The following TCF12 variants were observed in gnomAD, a reference collection of about 807,000 sequenced individuals.
TCF12 encodes transcription factor 12, also known as DNA-binding protein HTF4.
In TCF12, 45 loss-of-function variants were observed where a neutral mutation model predicts 86.0. The ratio of observed to expected loss-of-function variants is 0.52; its 90% CI spans 0.41 to 0.67. TCF12 has a LOEUF of 0.67. Ranked by LOEUF, TCF12 falls within the 30% of genes least tolerant of loss-of-function variation. The pLI is 0.00. For missense variants in TCF12, 881 were observed against 859.9 expected (o/e 1.02, Z -0.31); for synonymous variants, 330 against 299.6 (o/e 1.10, Z -1.05).
chr15:57,071,735 T>A (rs1227848316), intron 4 of TCF12, among the ~76,000 whole-genome samples: 1 of 152,226 alleles, frequency 6.6e-6, no homozygotes, highest in East Asian at 1.9e-4. Flanking sequence ...AAAATAATTT[T>A]CTTGGCTACT....
chr15:56,997,469 G>C (rs989491433), intron 3 of TCF12, among the ~76,000 whole-genome samples: 1 of 152,130 alleles, frequency 6.6e-6, no homozygotes, highest in Non-Finnish European at 1.5e-5. Context: ...GAATACAAGA[G>C]GGGGAGGAAG....
chr15:57,159,011 G>T (rs973081321), intron 5 of TCF12, among the ~76,000 whole-genome samples: 17 of 152,298 alleles, frequency 1.1e-4, no homozygotes, highest in African/African-American at 3.6e-4. Flanking sequence ...AAAAAATCTG[G>T]TCAATTAAGA....
chr15:57,073,548 C>T (rs1275240153), intron 4 of TCF12, among the ~76,000 whole-genome samples: 1 of 152,146 alleles, frequency 6.6e-6, no homozygotes, highest in Non-Finnish European at 1.5e-5. Flanking sequence ...AAATCTTCTC[C>T]ATTTTAGAGG....
At chr15:56,947,371 C>T (rs939064222) in intron 3 of TCF12, among the ~76,000 whole-genome samples, 1 of 152,074 alleles carries the variant, frequency 6.6e-6, no homozygotes, top group African/African-American at 2.4e-5. Flanking sequence ...TCTGGAGATC[C>T]TTCTCTGCGT....
chr15:57,142,780 G>A (rs1349766433), intron 5 of TCF12, among the ~76,000 whole-genome samples: 6 of 152,124 alleles, frequency 3.9e-5, no homozygotes, highest in African/African-American at 1.4e-4. Context: ...TCAGATTCAT[G>A]TGCCACCTAA....
rs1310356738 is a variant in TCF12, at chr15:56,948,144, T to C, written c.148+27046T>C. Among the ~76,000 whole-genome samples, 3 of 151,906 alleles carry C rather than the reference T, an allele frequency of 2.0e-5. No homozygotes were observed. In the East Asian group the frequency reaches 5.8e-4, roughly 29 times the overall value. On this transcript the variant is annotated intron_variant, in intron 3 of 20. Transcript: ENST00000333725. ...ACCTTTTTTTTTTTATTTTTTGAGA[T>C]GGGATCTCACTCTGTTGCCCAGGCT...
At chr15:57,207,963 G>A (rs1453566324) in intron 8 of TCF12, among the ~76,000 whole-genome samples, 5 of 151,054 alleles carry the variant, frequency 3.3e-5, no homozygotes, top group Non-Finnish European at 5.9e-5. Context: ...AGTCCTTATC[G>A]TGAATGAAGA....
At chr15:56,980,008 T>C (rs949976005) in intron 3 of TCF12, among the ~76,000 whole-genome samples, 2 of 152,194 alleles carry the variant, frequency 1.3e-5, no homozygotes, top group South Asian at 2.1e-4. Flanking sequence ...GAAGCTATTA[T>C]AGATTTATAT....
chr15:57,240,410 G>C (rs1222263618), intron 12 of TCF12, among the ~76,000 whole-genome samples: 1 of 152,168 alleles, frequency 6.6e-6, no homozygotes, highest in African/African-American at 2.4e-5. Context: ...CTAGTTGACA[G>C]TTTTGCATAG....
intron 3 of TCF12, among the ~76,000 whole-genome samples, chr15:56,986,206 G>A (rs1415520073): frequency 1.3e-5 from 2 of 152,266 alleles, no homozygotes; most frequent in South Asian, 4.1e-4. Flanking sequence ...GTTGGTTACA[G>A]AAAGTATGCT....
intron 8 of TCF12, among the ~76,000 whole-genome samples, chr15:57,216,318 TTGG>T (rs1215930543): frequency 6.6e-6 from 1 of 152,116 alleles, no homozygotes; most frequent in Non-Finnish European, 1.5e-5. Context: ...GCTGTAAAAC[TTGG>T]TGATTTTTTT....
In TCF12 at chr15:57,063,873, G is replaced by A. The variant is rs369210693; in HGVS notation, c.222+50G>A. The stretch of plus-strand genomic sequence containing the variant: ...TTAAAGCTGTAATTTGGCAGACTAC[G>A]TAATTTCTTTCATATATGCTGTTTC... On this transcript the variant is annotated intron_variant, in intron 4 of 20. Transcript: ENST00000333725. The A allele has an allele frequency of 1.1e-4, 152 of 1,417,968 alleles. No homozygotes were observed. The African/African-American group carries it at 1.5e-3, about 14-fold the overall frequency. 87.8% of individuals were successfully genotyped at this position (1,417,968 alleles called of 1,614,324 possible).
At chr15:57,050,649 T>A (rs2141567709) in intron 3 of TCF12, among the ~76,000 whole-genome samples, 1 of 152,306 alleles carries the variant, frequency 6.6e-6, no homozygotes, top group South Asian at 2.1e-4. Context: ...GTACTCTCAT[T>A]ACATGCATTT....
chr15:57,119,864 A>G (rs1234568512), intron 5 of TCF12, among the ~76,000 whole-genome samples: 1 of 152,144 alleles, frequency 6.6e-6, no homozygotes, highest in Non-Finnish European at 1.5e-5. Context: ...TACTACATTG[A>G]AAGTTTTTTG....
intron 4 of TCF12, among the ~76,000 whole-genome samples, chr15:57,071,234 C>T (rs1156730080): frequency 6.7e-6 from 1 of 150,296 alleles, no homozygotes; most frequent in Admixed American, 6.6e-5. Flanking sequence ...AAATGAGACC[C>T]CCTCTCTACA....
intron 5 of TCF12, among the ~76,000 whole-genome samples, chr15:57,132,264 A>C (rs1444774156): frequency 2.0e-5 from 3 of 152,040 alleles, no homozygotes; most frequent in Non-Finnish European, 2.9e-5. Flanking sequence ...AAATGTGTAC[A>C]TTTTTTTCTT....
intron 3 of TCF12, among the ~76,000 whole-genome samples, chr15:56,988,273 T>G (rs2063288310): frequency 6.6e-6 from 1 of 152,186 alleles, no homozygotes; most frequent in Non-Finnish European, 1.5e-5. Flanking sequence ...TACATAAACC[T>G]AGGGGGTATA....
At chr15:57,168,541 G>C (rs1405873788) in intron 6 of TCF12, among the ~76,000 whole-genome samples, 1 of 152,092 alleles carries the variant, frequency 6.6e-6, no homozygotes, top group East Asian at 1.9e-4. Context: ...TAATATTTCT[G>C]CAATTCATAG....
chr15:56,982,460 A>G (rs2062941726), intron 3 of TCF12, among the ~76,000 whole-genome samples: 6 of 152,140 alleles, frequency 3.9e-5, no homozygotes. Flanking sequence ...ATAATTATAG[A>G]ATTGGTGCTG....
Sources: allele counts gnomAD v4.1 joint callset (sites outside exome capture counted in the v4.1 genomes callset), GRCh38; gene constraint gnomAD v4.1.1; transcripts MANE v1.5; gene names NCBI Gene and HGNC (gene_info 2026-07-23, HGNC 2026-07-21).